Variants in STXBP5L observed in about 807,000 individuals in gnomAD.
STXBP5L encodes the protein syntaxin-binding protein 5-like.
A neutral mutation model predicts 144.5 loss-of-function variants in STXBP5L; 65 were observed. That is an observed-to-expected ratio of 0.45 (90% CI 0.37 to 0.55). STXBP5L has a LOEUF of 0.55. Ranked by LOEUF, STXBP5L falls within the 20% of genes least tolerant of loss-of-function variation. STXBP5L has a pLI of 0.00. For synonymous variants in STXBP5L, 505 were observed against 469.6 expected (o/e 1.08, Z -0.97); for missense variants, 1,298 against 1,405.5 (o/e 0.92, Z 1.22).
chr3:121,300,408 T>C (rs2051842884), intron 19 of STXBP5L, among the ~76,000 whole-genome samples: 1 of 152,202 alleles, frequency 6.6e-6, no homozygotes. Context: ...CCGTAAACTC[T>C]GTGTTACTCT....
At chr3:121,003,480 A>C (rs1185027489) in intron 3 of STXBP5L, among the ~76,000 whole-genome samples, 3 of 152,140 alleles carry the variant, frequency 2.0e-5, no homozygotes, top group Non-Finnish European at 4.4e-5. Flanking sequence ...AGATTGCAAA[A>C]ATTTTCTCCC....
intron 2 of STXBP5L, among the ~76,000 whole-genome samples, chr3:120,940,720 GAAT>G (rs1299071716): frequency 6.6e-6 from 1 of 151,406 alleles, no homozygotes; most frequent in East Asian, 1.9e-4. Context: ...GTTCTTTATT[GAAT>G]AATAAAGATG....
chr3:120,911,541 G>A (rs1708842304), intron 2 of STXBP5L, among the ~76,000 whole-genome samples: 1 of 152,072 alleles, frequency 6.6e-6, no homozygotes, highest in Non-Finnish European at 1.5e-5. Flanking sequence ...CGGTTATTGG[G>A]AGGATCAGAC....
intron 2 of STXBP5L, among the ~76,000 whole-genome samples, chr3:120,952,019 A>G (rs1322993924): frequency 3.3e-5 from 5 of 151,728 alleles, no homozygotes; most frequent in Non-Finnish European, 5.9e-5. Flanking sequence ...CATGGATGAA[A>G]CTGGAAATCA....
In STXBP5L at chr3:121,399,126, C is replaced by T. The variant is rs145965987; in HGVS notation, c.2588-8117C>T. ...CTGGCAAATAAGCCTGGTCTGTAACCTCTTCTGTACTTCATTATACTCTCC... is the reference window on the plus strand; with the variant it reads ...CTGGCAAATAAGCCTGGTCTGTAACTTCTTCTGTACTTCATTATACTCTCC... On this transcript the variant is annotated intron_variant, in intron 22 of 26. Coordinates refer to ENST00000471454, the MANE Select transcript of STXBP5L (RefSeq NM_001308330.2). Among the ~76,000 whole-genome samples, 641 of 152,240 alleles carry T rather than the reference C, an allele frequency of 4.2e-3. 4 individuals carry two copies. Among genetic ancestry groups the T allele is most frequent in the African/African-American group, 0.015 (611 of 41,536 alleles).
At chr3:120,960,308 G>A (rs201675537) in intron 3 of STXBP5L, among the ~76,000 whole-genome samples, 1 of 152,074 alleles carries the variant, frequency 6.6e-6, no homozygotes. Context: ...TACACTGTTG[G>A]TGGGACTGTA....
intron 22 of STXBP5L, among the ~76,000 whole-genome samples, chr3:121,390,054 A>G (rs1171037457): frequency 6.6e-6 from 1 of 152,208 alleles, no homozygotes; most frequent in Non-Finnish European, 1.5e-5. Flanking sequence ...GACTTGCTTT[A>G]TGAATCTGGG....
intron 18 of STXBP5L, among the ~76,000 whole-genome samples, chr3:121,263,145 T>C (rs2050439634): frequency 6.6e-6 from 1 of 152,232 alleles, no homozygotes; most frequent in Non-Finnish European, 1.5e-5. Context: ...TTTGTTGTTC[T>C]GCTGCCTCCA....
intron 19 of STXBP5L, among the ~76,000 whole-genome samples, chr3:121,309,144 AC>A (rs935105889): frequency 6.6e-6 from 1 of 152,120 alleles, no homozygotes; most frequent in Non-Finnish European, 1.5e-5. Context: ...GACAAGTGTA[AC>A]CCAACTATAT....
chr3:121,212,551 C>T (rs145912513), intron 10 of STXBP5L, among the ~76,000 whole-genome samples: 2 of 152,170 alleles, frequency 1.3e-5, no homozygotes, highest in South Asian at 2.1e-4. Context: ...TCTGAGGACT[C>T]GGTTCTGTTC....
chr3:121,184,256 A>C (rs905977819), intron 9 of STXBP5L, among the ~76,000 whole-genome samples: 2 of 151,864 alleles, frequency 1.3e-5, no homozygotes, highest in Non-Finnish European at 2.9e-5. Context: ...ATGGGTAATA[A>C]CAAACTCCTC....
chr3:121,170,244 G>A (rs1009392033), intron 9 of STXBP5L, among the ~76,000 whole-genome samples: 47 of 152,272 alleles, frequency 3.1e-4, no homozygotes, highest in African/African-American at 1.0e-3. Context: ...GAGAAAGTGG[G>A]AAAGATCTAA....
chr3:121,018,874 G>C (rs1424144614), intron 3 of STXBP5L, among the ~76,000 whole-genome samples: 1 of 152,220 alleles, frequency 6.6e-6, no homozygotes, highest in Admixed American at 6.5e-5. Flanking sequence ...AGAATCCACA[G>C]ACCCTTTGAA....
intron 22 of STXBP5L, among the ~76,000 whole-genome samples, chr3:121,406,560 A>G (rs2331921): frequency 0.6 from 91,331 of 151,860 alleles, 28,321 homozygotes; most frequent in East Asian, 0.89. Context: ...ACCTATAGGC[A>G]ATAATCTGGC....
intron 3 of STXBP5L, among the ~76,000 whole-genome samples, chr3:120,977,613 T>G (rs1241083411): frequency 2.0e-5 from 3 of 152,298 alleles, no homozygotes; most frequent in Admixed American, 6.5e-5. Context: ...ATTTTGCTCC[T>G]TAGTTGAGGC....
At chr3:120,978,328 T>A (rs1192808067) in intron 3 of STXBP5L, among the ~76,000 whole-genome samples, 1 of 152,244 alleles carries the variant, frequency 6.6e-6, no homozygotes, top group African/African-American at 2.4e-5. Context: ...TTCTTCCAGT[T>A]GTTCGCATCA....
chr3:120,928,033 A>G (rs1709729538), intron 2 of STXBP5L, among the ~76,000 whole-genome samples: 1 of 152,216 alleles, frequency 6.6e-6, no homozygotes, highest in South Asian at 2.1e-4. Flanking sequence ...GGAGTTGACA[A>G]TTGAAAGCAA....
chr3:121,379,944 C>T (rs957882447), intron 21 of STXBP5L, among the ~76,000 whole-genome samples: 1 of 152,122 alleles, frequency 6.6e-6, no homozygotes, highest in Non-Finnish European at 1.5e-5. Flanking sequence ...AAGTGATGCT[C>T]CTGCCTCAGC....
At chr3:121,096,936 G>T (rs1442578680) in intron 5 of STXBP5L, among the ~76,000 whole-genome samples, 3 of 152,170 alleles carry the variant, frequency 2.0e-5, no homozygotes, top group Non-Finnish European at 4.4e-5. Flanking sequence ...TGCTGAAGTT[G>T]TGCCCACAGC....
Sources: gnomAD v4.1 joint callset for allele counts (sites outside exome capture counted in the v4.1 genomes callset) on GRCh38, gnomAD v4.1.1 for gene constraint, MANE v1.5 for transcripts, NCBI Gene and HGNC (gene_info 2026-07-23, HGNC 2026-07-21) for gene names.